STK32C: variants seen among roughly 807,000 people sequenced by gnomAD.
The protein encoded by STK32C is serine/threonine-protein kinase 32C.
A neutral mutation model predicts 56.5 loss-of-function variants in STK32C; 31 were observed. The ratio of observed to expected loss-of-function variants is 0.55; its 90% CI spans 0.41 to 0.74. STK32C has a LOEUF of 0.74. Among genes scored for constraint, STK32C ranks in the 30% least tolerant of loss-of-function variants. STK32C has a pLI of 0.00. For missense variants in STK32C, 544 were observed against 676.9 expected, an observed-to-expected ratio of 0.80 and a Z score of 2.18; for synonymous variants, 309 against 289.4, an observed-to-expected ratio of 1.07 and a Z score of -0.69.
intron 2 of STK32C, among the ~76,000 whole-genome samples, chr10:132,239,835 C>T: frequency 6.6e-6 from 1 of 152,354 alleles, no homozygotes; most frequent in Non-Finnish European, 1.5e-5. Flanking sequence ...GGTCCCAAGC[C>T]CAGGATCCAG....
At chr10:132,270,260 G>A (rs1166803781) in intron 1 of STK32C, among the ~76,000 whole-genome samples, 2 of 152,246 alleles carry the variant, frequency 1.3e-5, no homozygotes, top group South Asian at 4.1e-4. Context: ...GTGACTGAGT[G>A]AACAATCTTG....
chr10:132,298,902 G>A (rs1347546190), intron 1 of STK32C, among the ~76,000 whole-genome samples: 6 of 152,142 alleles, frequency 3.9e-5, no homozygotes, highest in Non-Finnish European at 1.5e-5. Flanking sequence ...AGGATGCACC[G>A]GCTAAGCCAC....
chr10:132,293,586 G>C (rs566233372), intron 1 of STK32C, among the ~76,000 whole-genome samples: 1 of 152,246 alleles, frequency 6.6e-6, no homozygotes. Context: ...CAAGGCAGCC[G>C]GCCAGGCACA....
At chr10:132,282,892 G>A (rs543404328) in intron 1 of STK32C, among the ~76,000 whole-genome samples, 5 of 152,384 alleles carry the variant, frequency 3.3e-5, no homozygotes, top group South Asian at 4.1e-4. Flanking sequence ...CAACTCTGCT[G>A]GTCAGGAGGC....
chr10:132,214,048 G>A (rs2818407), intron 10 of STK32C, among the ~76,000 whole-genome samples: 115,860 of 152,020 alleles, frequency 0.76, 44,541 homozygotes, highest in Admixed American at 0.84. Flanking sequence ...CACCACACAC[G>A]CATAATTGGA....
chr10:132,301,000 G>A (rs1370413993), intron 1 of STK32C, among the ~76,000 whole-genome samples: 1 of 152,120 alleles, frequency 6.6e-6, no homozygotes. Context: ...GGCTGGGAAG[G>A]GAAATGACAC....
rs1010311473 is a variant in STK32C at position 132,255,481 on chromosome 10, C to T, written c.263-9526G>A. Among the ~76,000 whole-genome samples, 7 of 152,152 alleles carry T rather than the reference C, an allele frequency of 4.6e-5. No individual in the cohort carries two copies. Among genetic ancestry groups the T allele is most frequent in the East Asian group, 3.9e-4 (2 of 5,184 alleles). On this transcript the variant is annotated intron_variant, in intron 1 of 11. Coordinates refer to ENST00000298630, the MANE Select transcript of STK32C (RefSeq NM_173575.4). This position sits in a 1 kb window ranked among gnomAD's most constrained non-coding sequence, Gnocchi z 4.6. ...CCACCACGCTGACGGGCAGGGTTGA[C>T]GCAGATGGGGACAAGACAGGTGGGG...
At chr10:132,214,014 G>A (rs1311686024) in intron 10 of STK32C, among the ~76,000 whole-genome samples, 1 of 151,864 alleles carries the variant, frequency 6.6e-6, no homozygotes, top group Non-Finnish European at 1.5e-5. Flanking sequence ...GAATATCCAA[G>A]AGCTGTGGGA....
At position 132,286,107 on chromosome 10, in the gene STK32C, C is replaced by T. The variant is rs184976594; in HGVS notation, c.262+21465G>A. 6.6e-5 allele frequency among the ~76,000 whole-genome samples: 10 copies of T among 150,378 alleles called. No homozygotes were observed. In the East Asian group the frequency reaches 9.7e-4, roughly 15 times the overall value. On this transcript the variant is annotated intron_variant, in intron 1 of 11. Coordinates refer to ENST00000298630, the MANE Select transcript of STK32C (RefSeq NM_173575.4). ...AGCCACTGCACTCCAGCCTGGGTGACGGAGCGAGACTCTGTCTCAAAAAAA... is the reference window on the plus strand; with the variant it reads ...AGCCACTGCACTCCAGCCTGGGTGATGGAGCGAGACTCTGTCTCAAAAAAA...
At chr10:132,209,679 G>A (rs921377882) in intron 10 of STK32C, among the ~76,000 whole-genome samples, 2 of 152,080 alleles carry the variant, frequency 1.3e-5, no homozygotes, top group African/African-American at 2.4e-5. Flanking sequence ...GGGGGAGGGC[G>A]TGGGTGGGGT....
rs781080680 is a variant in STK32C at position 132,224,337 on chromosome 10, C to T, written c.993+70G>A. 913 of 1,192,162 alleles carry T rather than the reference C, an allele frequency of 7.7e-4. 3 individuals are homozygous for T. The highest frequency in any genetic ancestry group is 1.4e-3 in the Middle Eastern group (6 of 4,202). 73.8% of individuals were successfully genotyped at this position (1,192,162 alleles called of 1,614,324 possible). Reference sequence around the variant, plus strand: ...TAACTGTGCACTGGAGGGGGTGTCCCGAGCCGCAGGTAAGTGAGGGAGGGA... The same window carrying T: ...TAACTGTGCACTGGAGGGGGTGTCCTGAGCCGCAGGTAAGTGAGGGAGGGA... On this transcript the variant is annotated intron_variant, in intron 8 of 11. Transcript: ENST00000298630.
intron 1 of STK32C, among the ~76,000 whole-genome samples, chr10:132,254,430 C>T (rs991382291): frequency 4.6e-5 from 7 of 151,876 alleles, no homozygotes; most frequent in East Asian, 1.9e-4. Context: ...ATAAGCCTGC[C>T]GCAGGGCGCC....
rs773127513 is a variant in STK32C, at chr10:132,274,981, G to A, written c.263-29026C>T. Among the ~76,000 whole-genome samples, 10 of 152,318 alleles carry A rather than the reference G, an allele frequency of 6.6e-5. No individual in the cohort carries two copies. In the East Asian group the frequency reaches 1.4e-3, roughly 21 times the overall value. On this transcript the variant is annotated intron_variant, in intron 1 of 11. Coordinates refer to ENST00000298630, the MANE Select transcript of STK32C (RefSeq NM_173575.4). ...GAAGGTGACAGCCGGGACAGGGACC[G>A]AGAACCCTGTGCCAGCCCCAGCTTC...
At chr10:132,308,647 G>A (rs1033431444), upstream of STK32C, among the ~76,000 whole-genome samples, 2 of 152,132 alleles carry the variant, frequency 1.3e-5, no homozygotes, top group Admixed American at 6.5e-5. Flanking sequence ...CCCTGAGCAC[G>A]TGCGCCCGCG....
At chr10:132,263,652 G>A (rs1230678786) in intron 1 of STK32C, among the ~76,000 whole-genome samples, 1 of 151,490 alleles carries the variant, frequency 6.6e-6, no homozygotes, top group Non-Finnish European at 1.5e-5. Flanking sequence ...GAGGTCAGGA[G>A]TTCGAGACCC....
chr10:132,215,216 G>A (rs1197669654), intron 10 of STK32C, among the ~76,000 whole-genome samples: 1 of 152,126 alleles, frequency 6.6e-6, no homozygotes, highest in African/African-American at 2.4e-5. Flanking sequence ...GTCTCGCCAT[G>A]TTGCCCAGCC....
chr10:132,268,489 G>A (rs940503680), intron 1 of STK32C, among the ~76,000 whole-genome samples: 2 of 150,278 alleles, frequency 1.3e-5, no homozygotes, highest in African/African-American at 2.5e-5. Flanking sequence ...GTCGGTGTGT[G>A]TGCATGCCTG....
intron 1 of STK32C, among the ~76,000 whole-genome samples, chr10:132,268,796 CGTGT>C (rs765716979): frequency 5.3e-4 from 50 of 95,008 alleles, no homozygotes; most frequent in Non-Finnish European, 2.0e-4. Context: ...TGTCCCACAT[CGTGT>C]GTGTGTGTGT....
chr10:132,211,788 T>C (rs2062309623), intron 10 of STK32C, among the ~76,000 whole-genome samples: 1 of 152,182 alleles, frequency 6.6e-6, no homozygotes, highest in Non-Finnish European at 1.5e-5. Flanking sequence ...AGGGACCTCT[T>C]GAACCGCAAG....
Sources: gnomAD v4.1 joint callset for allele counts (sites outside exome capture counted in the v4.1 genomes callset) on GRCh38, gnomAD v4.1.1 for gene constraint, Gnocchi (gnomAD v3.1) non-coding constraint, MANE v1.5 for transcripts, NCBI Gene and HGNC (gene_info 2026-07-23, HGNC 2026-07-21) for gene names.